KCNIP4: variants seen among roughly 807,000 people sequenced by gnomAD.
The protein encoded by KCNIP4 is Kv channel-interacting protein 4.
Under a neutral mutation model 34.0 loss-of-function variants are expected in KCNIP4, and 12 were observed. The observed-to-expected ratio is 0.35, with a 90% CI of 0.23 to 0.57. KCNIP4 has a LOEUF of 0.57. Ranked by LOEUF, KCNIP4 falls within the 20% of genes least tolerant of loss-of-function variation. The pLI is 0.83. For synonymous variants in KCNIP4, 124 were observed against 102.2 expected, an observed-to-expected ratio of 1.21 and a Z score of -1.29; for missense variants, 238 against 311.7, an observed-to-expected ratio of 0.76 and a Z score of 1.78.
At chr4:20,772,116 TTAAAGAACTTTCCCAAGGTCA>T (rs1192957675) in intron 3 of KCNIP4, among the ~76,000 whole-genome samples, 2 of 152,082 alleles carry the variant, frequency 1.3e-5, no homozygotes, top group Non-Finnish European at 2.9e-5. Context: ...ACAGGGAGGT[TTAAAGAACTTTCCCAAGGTCA>T]GTGGGACTGG....
intron 1 of KCNIP4, among the ~76,000 whole-genome samples, chr4:21,366,679 A>G (rs1437111124): frequency 6.6e-6 from 1 of 152,102 alleles, no homozygotes; most frequent in Non-Finnish European, 1.5e-5. Flanking sequence ...GGGATGAGGG[A>G]AAAAAACACA....
intron 1 of KCNIP4, among the ~76,000 whole-genome samples, chr4:21,783,488 T>C (rs946081552): frequency 1.3e-5 from 2 of 152,136 alleles, no homozygotes; most frequent in Non-Finnish European, 2.9e-5. Context: ...ACTGAATAAT[T>C]ATCCCAAGTG....
At chr4:21,787,530 T>G (rs1719993561) in intron 1 of KCNIP4, among the ~76,000 whole-genome samples, 1 of 152,150 alleles carries the variant, frequency 6.6e-6, no homozygotes, top group South Asian at 2.1e-4. Context: ...AACAACCCCA[T>G]GAAGAAGTTA....
intron 3 of KCNIP4, among the ~76,000 whole-genome samples, chr4:20,789,214 C>A (rs1052136307): frequency 6.6e-6 from 1 of 152,150 alleles, no homozygotes; most frequent in African/African-American, 2.4e-5. Context: ...CCCTACCACA[C>A]TAGCTTAGGA....
At chr4:21,207,649 G>A (rs750491695) in intron 1 of KCNIP4, among the ~76,000 whole-genome samples, 1 of 152,026 alleles carries the variant, frequency 6.6e-6, no homozygotes, top group Non-Finnish European at 1.5e-5. Context: ...TCTCTCTGAT[G>A]TCATCCATTA....
intron 1 of KCNIP4, among the ~76,000 whole-genome samples, chr4:21,629,735 GAAC>G (rs987477241): frequency 1.4e-4 from 21 of 151,844 alleles, no homozygotes; most frequent in African/African-American, 4.6e-4. Flanking sequence ...AACATCAAGA[GAAC>G]AACATACCTG....
chr4:21,189,045 T>C (rs993467747), intron 1 of KCNIP4, among the ~76,000 whole-genome samples: 3 of 152,216 alleles, frequency 2.0e-5, no homozygotes, highest in African/African-American at 7.2e-5. Flanking sequence ...CTAATCAGTT[T>C]CCTCTTTGAT....
chr4:20,902,912 G>T (rs1376611523), intron 1 of KCNIP4, among the ~76,000 whole-genome samples: 1 of 152,162 alleles, frequency 6.6e-6, no homozygotes, highest in Non-Finnish European at 1.5e-5. Context: ...TCCGACTTTT[G>T]TTCTGAGTGA....
At chr4:20,808,901 T>C (rs973677574) in intron 3 of KCNIP4, among the ~76,000 whole-genome samples, 4 of 152,230 alleles carry the variant, frequency 2.6e-5, no homozygotes, top group African/African-American at 7.2e-5. Flanking sequence ...GATATTTAAA[T>C]CAGCTCTCAG....
rs189715752 is a variant in KCNIP4 at position 21,016,281 on chromosome 4, T to A, written c.62-133572A>T. 2.7e-4 allele frequency among the ~76,000 whole-genome samples: 40 copies of A among 150,910 alleles called. No homozygotes were observed. The East Asian group carries it at 7.4e-3, about 28-fold the overall frequency. On this transcript the variant is annotated intron_variant, in intron 1 of 8. Transcript: ENST00000382152. ...GGTACCTGGCATGCTGTAAGCTTTA[T>A]TTCTTTTCTTTTTTTCTTTTTTCTT...
At chr4:20,833,232 C>A (rs530884780) in intron 3 of KCNIP4, among the ~76,000 whole-genome samples, 1 of 152,292 alleles carries the variant, frequency 6.6e-6, no homozygotes, top group Admixed American at 6.5e-5. Flanking sequence ...TAATATACCT[C>A]ATTTGGTGAC....
chr4:21,902,568 G>C (rs1319524415), intron 1 of KCNIP4, among the ~76,000 whole-genome samples: 7 of 152,046 alleles, frequency 4.6e-5, no homozygotes, highest in African/African-American at 1.7e-4. Flanking sequence ...AGATATTATA[G>C]AGTGAAAGGA....
intron 1 of KCNIP4, among the ~76,000 whole-genome samples, chr4:21,638,000 TA>T (rs541629394): frequency 2.6e-4 from 40 of 152,198 alleles, no homozygotes; most frequent in Non-Finnish European, 5.3e-4. Flanking sequence ...AGAAAAACAG[TA>T]AAATTCACAC....
chr4:21,315,354 CTCT>C (rs1480001433), intron 1 of KCNIP4: 1 of 152,618 alleles, frequency 6.6e-6, no homozygotes, highest in Non-Finnish European at 1.5e-5. Context: ...AGCATAGTCT[CTCT>C]TCTTTATGAT....
Position 21,710,797 on chromosome 4 carries a change from C to T in KCNIP4, c.61+237774G>A, listed in dbSNP as rs76012092. 4.8e-4 allele frequency among the ~76,000 whole-genome samples: 73 copies of T among 152,230 alleles called. No homozygotes were observed. The East Asian group carries it at 0.013, about 27-fold the overall frequency. On this transcript the variant is annotated intron_variant, in intron 1 of 8. Transcript: ENST00000382152. ...TTTTATGTTCCAATTCAAAAAAAAT[C>T]TAGAGATAGAATTCTAAATATCATT...
At chr4:21,540,782 C>A (rs568500952) in intron 1 of KCNIP4, among the ~76,000 whole-genome samples, 10 of 152,224 alleles carry the variant, frequency 6.6e-5, no homozygotes, top group Admixed American at 4.6e-4. Flanking sequence ...TGTTTGGAGG[C>A]CCTGCTGTAG....
At chr4:21,099,785 T>A (rs1410578305) in intron 1 of KCNIP4, among the ~76,000 whole-genome samples, 1 of 152,050 alleles carries the variant, frequency 6.6e-6, no homozygotes, top group African/African-American at 2.4e-5. Context: ...TGGGAGAAGG[T>A]CAAAATAACA....
intron 1 of KCNIP4, among the ~76,000 whole-genome samples, chr4:21,022,650 C>T (rs1251452636): frequency 6.6e-6 from 1 of 152,062 alleles, no homozygotes; most frequent in Admixed American, 6.6e-5. Flanking sequence ...AGTATATTAA[C>T]AATAATACAA....
chr4:21,064,596 G>T (rs114695525), intron 1 of KCNIP4, among the ~76,000 whole-genome samples: 4,236 of 152,110 alleles, frequency 0.028, 179 homozygotes, highest in African/African-American at 0.096. Context: ...ACCTCTGAAG[G>T]TGTCTGGAAA....
Sources: gnomAD v4.1 joint callset for allele counts (sites outside exome capture counted in the v4.1 genomes callset) on GRCh38, gnomAD v4.1.1 for gene constraint, MANE v1.5 for transcripts, NCBI Gene and HGNC (gene_info 2026-07-23, HGNC 2026-07-21) for gene names.